CCDC148: variants seen among roughly 807,000 people sequenced by gnomAD.
CCDC148 encodes coiled-coil domain-containing protein 148.
In CCDC148, 89 loss-of-function variants were observed where a neutral mutation model predicts 85.7. That is an observed-to-expected ratio of 1.04 (90% CI 0.87 to 1.24). The LOEUF (loss-of-function observed/expected upper bound fraction) is 1.24. CCDC148 is among the 50% of genes most tolerant of loss of function. The pLI, the probability that CCDC148 is intolerant of heterozygous loss-of-function variation, is 0.00. For missense variants in CCDC148, 692 were observed against 671.7 expected (o/e 1.03, Z -0.33); for synonymous variants, 230 against 213.9 (o/e 1.08, Z -0.66).
At chr2:158,283,228 T>G (rs1388781073) in intron 9 of CCDC148, among the ~76,000 whole-genome samples, 3 of 152,198 alleles carry the variant, frequency 2.0e-5, no homozygotes, top group Non-Finnish European at 4.4e-5. Context: ...GGCAAGGACT[T>G]CATGTCTAAA....
intron 10 of CCDC148, among the ~76,000 whole-genome samples, chr2:158,229,817 A>G (rs575089851): frequency 6.6e-6 from 1 of 152,232 alleles, no homozygotes; most frequent in African/African-American, 2.4e-5. Context: ...AATTAAACAT[A>G]ATTTTATCCC....
chr2:158,435,369 G>C (rs930355852), intron 1 of CCDC148, among the ~76,000 whole-genome samples: 1 of 152,146 alleles, frequency 6.6e-6, no homozygotes, highest in African/African-American at 2.4e-5. Context: ...TTCATATCCA[G>C]CCAAACTAAG....
rs199671921 is a variant in CCDC148, at chr2:158,265,521, T to TC, written c.1111-14610_1111-14609insG. ...CATTAGTATATAAATTAAAGTATAT[T>TC]TATTGAATTAATAAGAAAATGTTTC... On this transcript the variant is annotated intron_variant, in intron 9 of 13. Transcript: ENST00000283233. Among the ~76,000 whole-genome samples, 1,128 of 152,152 alleles carry TC rather than the reference T, an allele frequency of 7.4e-3. 19 individuals are homozygous for TC. The highest frequency in any genetic ancestry group is 0.026 in the African/African-American group (1,076 of 41,548).
At chr2:158,412,298 A>G (rs1210431555) in intron 1 of CCDC148, among the ~76,000 whole-genome samples, 1 of 152,168 alleles carries the variant, frequency 6.6e-6, no homozygotes, top group Non-Finnish European at 1.5e-5. Flanking sequence ...TAGCTTTTAA[A>G]TTGTACTCTA....
intron 1 of CCDC148, among the ~76,000 whole-genome samples, chr2:158,384,872 T>G (rs541984405): frequency 6.6e-6 from 1 of 152,292 alleles, no homozygotes; most frequent in African/African-American, 2.4e-5. Context: ...TGGCATGGCA[T>G]GACTTTGCTC....
chr2:158,282,088 TA>T (rs1559041422), intron 9 of CCDC148, among the ~76,000 whole-genome samples: 10 of 151,596 alleles, frequency 6.6e-5, no homozygotes. Context: ...CGCTTCATGC[TA>T]AAAACTCTCA....
intron 9 of CCDC148, among the ~76,000 whole-genome samples, chr2:158,261,594 G>A (rs1006241974): frequency 2.6e-5 from 4 of 151,868 alleles, no homozygotes; most frequent in African/African-American, 9.7e-5. Flanking sequence ...CCTACAGAAT[G>A]GGAGAAAATA....
At chr2:158,330,176 C>T (rs77566348) in intron 7 of CCDC148, among the ~76,000 whole-genome samples, 25,514 of 151,976 alleles carry the variant, frequency 0.17, 3,455 homozygotes, top group African/African-American at 0.38. Flanking sequence ...TTTTGAGATA[C>T]GTCCCATCAA....
At chr2:158,352,789 T>C (rs1683391297) in intron 2 of CCDC148, among the ~76,000 whole-genome samples, 2 of 151,230 alleles carry the variant, frequency 1.3e-5, no homozygotes, top group South Asian at 2.1e-4. Context: ...TTCACCAAAG[T>C]TGAAATGAAG....
chr2:158,328,732 T>A (rs1433097714), intron 7 of CCDC148, among the ~76,000 whole-genome samples: 2 of 152,354 alleles, frequency 1.3e-5, no homozygotes, highest in East Asian at 1.9e-4. Flanking sequence ...GGTATCTCAT[T>A]GTGGTTTTGA....
intron 2 of CCDC148, among the ~76,000 whole-genome samples, chr2:158,351,160 T>C (rs544824156): frequency 1.3e-5 from 2 of 152,302 alleles, no homozygotes; most frequent in South Asian, 4.1e-4. Flanking sequence ...TCCAGGCTTA[T>C]TTGATAAACA....
intron 1 of CCDC148, among the ~76,000 whole-genome samples, chr2:158,363,491 G>A (rs1041853167): frequency 3.9e-5 from 6 of 152,096 alleles, no homozygotes; most frequent in Non-Finnish European, 7.3e-5. Flanking sequence ...TCATATCTGG[G>A]ATGCAAGTCT....
intron 11 of CCDC148, among the ~76,000 whole-genome samples, chr2:158,210,433 A>C (rs185949722): frequency 6.6e-6 from 1 of 152,254 alleles, no homozygotes; most frequent in Non-Finnish European, 1.5e-5. Flanking sequence ...GATATTTAGG[A>C]CTTGAACTCA....
intron 1 of CCDC148, among the ~76,000 whole-genome samples, chr2:158,405,320 T>C (rs888852373): frequency 2.0e-5 from 3 of 152,258 alleles, no homozygotes; most frequent in Non-Finnish European, 2.9e-5. Context: ...CTACAGATTA[T>C]CTTGAACCTG....
chr2:158,328,268 T>G (rs578160793), intron 7 of CCDC148, among the ~76,000 whole-genome samples: 19 of 152,140 alleles, frequency 1.2e-4, no homozygotes, highest in East Asian at 1.2e-3. Flanking sequence ...GCTGTGTTTG[T>G]TTTTTTGTCC....
chr2:158,351,754 G>A (rs1574671184), intron 2 of CCDC148, among the ~76,000 whole-genome samples: 2 of 152,106 alleles, frequency 1.3e-5, no homozygotes, highest in South Asian at 4.1e-4. Flanking sequence ...TGCCTCTGTA[G>A]GCTCCACCTC....
At chr2:158,358,411 C>A in intron 2 of CCDC148, 38 bp downstream of exon 2, 1 of 1,582,318 alleles carries the variant, frequency 6.3e-7, no homozygotes, top group Non-Finnish European at 8.5e-7. Context: ...ATTCGATTTT[C>A]TAAAACTAGA....
chr2:158,309,971 G>A (rs1394522809), intron 8 of CCDC148, among the ~76,000 whole-genome samples: 2 of 152,194 alleles, frequency 1.3e-5, no homozygotes, highest in Admixed American at 6.5e-5. Context: ...GTTTCTCAGA[G>A]AGGCGGATTT....
intron 11 of CCDC148, among the ~76,000 whole-genome samples, chr2:158,196,739 T>TC (rs1383754568): frequency 2.0e-5 from 3 of 152,176 alleles, no homozygotes; most frequent in African/African-American, 7.2e-5. Flanking sequence ...GTCTACTTTT[T>TC]CTCTGCTCAA....
Sources: allele counts gnomAD v4.1 joint callset (sites outside exome capture counted in the v4.1 genomes callset), GRCh38; gene constraint gnomAD v4.1.1; transcripts MANE v1.5; gene names NCBI Gene and HGNC (gene_info 2026-07-23, HGNC 2026-07-21).